The following VAV2 variants were observed in gnomAD, a reference collection of about 807,000 sequenced individuals.
The protein encoded by VAV2 is guanine nucleotide exchange factor VAV2.
VAV2 carries 67 observed loss-of-function variants against 132.5 expected under a neutral mutation model. That is an observed-to-expected ratio of 0.51 (90% CI 0.42 to 0.62). The LOEUF is 0.62. VAV2 is among the 20% of genes least tolerant of loss of function. VAV2 has a pLI of 0.00. For missense variants in VAV2, 938 were observed against 1,153.6 expected (o/e 0.81, Z 2.71); for synonymous variants, 492 against 443.5 (o/e 1.11, Z -1.37).
intron 1 of VAV2, among the ~76,000 whole-genome samples, chr9:133,959,644 G>A (rs1353432367): frequency 1.3e-5 from 2 of 152,204 alleles, no homozygotes; most frequent in African/African-American, 4.8e-5. Context: ...ACCTCCAAAC[G>A]TGACCTGATT....
rs537941705 is a variant in VAV2, at chr9:133,802,893, G to A, written c.836+3188C>T. Among the ~76,000 whole-genome samples the A allele has an allele frequency of 1.3e-5, 2 of 152,248 alleles. No homozygotes were observed. The highest frequency in any genetic ancestry group is 1.9e-4 in the East Asian group (1 of 5,160). On this transcript the variant is annotated intron_variant, in intron 9 of 29. Transcript: ENST00000371850. The surrounding 1 kb of genome is among the most constrained non-coding windows in gnomAD (Gnocchi z 5.8). ...GGTGCACGGCTGAGCTGCCAGCTCTGGCCTCCGTTTCCCCATCTGGGAAAT... is the reference window on the plus strand; with the variant it reads ...GGTGCACGGCTGAGCTGCCAGCTCTAGCCTCCGTTTCCCCATCTGGGAAAT...
chr9:133,808,976 T>A, intron 7 of VAV2, 64 bp downstream of exon 7: 1 of 1,446,768 alleles, frequency 6.9e-7, no homozygotes, highest in Non-Finnish European at 9.6e-7. Flanking sequence ...TCCCAGGAGA[T>A]AGGTGGCCCT....
At chr9:133,831,010 G>A (rs150375517) in intron 4 of VAV2, among the ~76,000 whole-genome samples, 6 of 152,308 alleles carry the variant, frequency 3.9e-5, no homozygotes, top group Non-Finnish European at 8.8e-5. Flanking sequence ...CAGTCTTAAT[G>A]TCAGGGAATA....
intron 3 of VAV2, among the ~76,000 whole-genome samples, chr9:133,849,819 G>A (rs1837095941): frequency 6.6e-6 from 1 of 152,190 alleles, no homozygotes; most frequent in African/African-American, 2.4e-5. Context: ...CCTCTGCGTG[G>A]TTCTTATAAG....
intron 2 of VAV2, among the ~76,000 whole-genome samples, chr9:133,906,520 AGGACGTGGGAGCCACTGG>A (rs1196439813): frequency 6.6e-6 from 1 of 152,228 alleles, no homozygotes; most frequent in East Asian, 1.9e-4. Context: ...CAATCCTGCA[AGGACGTGGGAGCCACTGG>A]GCCCGATCAG....
At chr9:133,784,464 C>T (rs374703419) in intron 17 of VAV2, 46 bp from the exon 18 acceptor site, 36 of 1,604,508 alleles carry the variant, frequency 2.2e-5, no homozygotes, top group East Asian at 1.8e-4. Context: ...CTGGATTCCC[C>T]GAGCCCCACC....
At chr9:133,807,547 C>T (rs973551318) in intron 7 of VAV2, among the ~76,000 whole-genome samples, 9 of 152,182 alleles carry the variant, frequency 5.9e-5, no homozygotes, top group Non-Finnish European at 8.8e-5. Context: ...CCCAGCGTGA[C>T]GGGGGCAGAG....
At chr9:133,864,524 C>G (rs982768463) in intron 2 of VAV2, among the ~76,000 whole-genome samples, 14 of 152,332 alleles carry the variant, frequency 9.2e-5, no homozygotes, top group African/African-American at 3.1e-4. Flanking sequence ...GCTCTGACCT[C>G]AGGTTCCAAG....
At chr9:133,904,689 G>A (rs927556789) in intron 2 of VAV2, among the ~76,000 whole-genome samples, 2 of 152,254 alleles carry the variant, frequency 1.3e-5, no homozygotes, top group Non-Finnish European at 2.9e-5. Context: ...GGTGCCAGGT[G>A]TGCAGCCAGG....
At chr9:133,895,470 A>G (rs917728599) in intron 2 of VAV2, among the ~76,000 whole-genome samples, 2 of 152,246 alleles carry the variant, frequency 1.3e-5, no homozygotes, top group Non-Finnish European at 2.9e-5. Context: ...TGGAGCCACT[A>G]TGGACTATCA....
Position 133,768,414 on chromosome 9 carries a change from C to T in VAV2, c.2589+28G>A. ...AGGTAGGGGCTGCAGCGAGGCCAGC[C>T]CCACACCCTCAGGGTGGGGCCACTC... On this transcript the variant is annotated intron_variant, in intron 29 of 29. Coordinates refer to ENST00000371850, the MANE Select transcript of VAV2 (RefSeq NM_001134398.2). This position sits in a 1 kb window ranked among gnomAD's most constrained non-coding sequence, Gnocchi z 5.3. 6.2e-7 allele frequency: 1 copy of T among 1,607,870 alleles called. No individual in the cohort carries two copies.
rs111331213 is a variant in VAV2, at chr9:133,780,557, G to A, written c.1740+137C>T. ...CCACCAAGGAAAGCAGAGGCATCTT[G>A]TGACCAAAAGTGGCTCATCCAAGCC... On this transcript the variant is annotated intron_variant, in intron 20 of 29. Transcript: ENST00000371850. 1.2e-5 allele frequency: 13 copies of A among 1,094,482 alleles called. No homozygotes were observed. In the African/African-American group the frequency reaches 1.6e-4, roughly 14 times the overall value. The allele number at this position is 1,094,482 out of a possible 1,614,324, so 67.8% of individuals were successfully genotyped here.
At chr9:133,866,158 G>C (rs1449444775) in intron 2 of VAV2, among the ~76,000 whole-genome samples, 1 of 152,208 alleles carries the variant, frequency 6.6e-6, no homozygotes, top group African/African-American at 2.4e-5. Context: ...GGCCCCCCAG[G>C]GGGTGGGTGG....
intron 1 of VAV2, among the ~76,000 whole-genome samples, chr9:133,958,319 A>C: frequency 6.9e-6 from 1 of 145,126 alleles, no homozygotes; most frequent in Non-Finnish European, 1.5e-5. Flanking sequence ...ACCGGATTGT[A>C]CGTTCCATCT....
chr9:133,835,898 A>C (rs1183369678), intron 3 of VAV2, among the ~76,000 whole-genome samples: 4 of 152,176 alleles, frequency 2.6e-5, no homozygotes, highest in Non-Finnish European at 5.9e-5. Context: ...CCCGTGTCCA[A>C]GGGCGCAGCA....
intron 3 of VAV2, 104 bp downstream of exon 3, chr9:133,861,270 A>G (rs944208220): frequency 3.1e-5 from 39 of 1,269,500 alleles, no homozygotes; most frequent in Non-Finnish European, 3.9e-5. Context: ...ATAAAGACAC[A>G]GGCAGAGGGC....
At chr9:133,977,608 C>G (rs1842556358) in intron 1 of VAV2, among the ~76,000 whole-genome samples, 1 of 152,188 alleles carries the variant, frequency 6.6e-6, no homozygotes, top group Non-Finnish European at 1.5e-5. Context: ...CGGTCCATCC[C>G]CATCCACGAC....
intron 2 of VAV2, among the ~76,000 whole-genome samples, chr9:133,892,809 CA>C (rs1283805662): frequency 6.6e-6 from 1 of 152,176 alleles, no homozygotes; most frequent in African/African-American, 2.4e-5. Flanking sequence ...GAGGCCATTG[CA>C]GACGAGAAAA....
rs183308709 is a variant in VAV2, at chr9:133,945,279, C to T, written c.205-6060G>A. 4.7e-3 allele frequency among the ~76,000 whole-genome samples: 721 copies of T among 152,298 alleles called. 8 individuals are homozygous for T. The highest frequency in any genetic ancestry group is 0.017 in the African/African-American group (693 of 41,564). On this transcript the variant is annotated intron_variant, in intron 1 of 29. Coordinates refer to ENST00000371850, the MANE Select transcript of VAV2 (RefSeq NM_001134398.2). ...AACAGTACTTTGACAAAAACTCAGT[C>T]TGTTCAGAGGAGATGGGGAGGCACT...
Sources: allele counts gnomAD v4.1 joint callset (sites outside exome capture counted in the v4.1 genomes callset), GRCh38; gene constraint gnomAD v4.1.1; non-coding constraint Gnocchi (gnomAD v3.1); transcripts MANE v1.5; gene names NCBI Gene and HGNC (gene_info 2026-07-23, HGNC 2026-07-21).